Variants in SUMF1 observed in about 807,000 individuals in gnomAD.
SUMF1 encodes the protein sulfatase modifying factor 1, also known as formylglycine-generating enzyme.
In SUMF1, 48 loss-of-function variants were observed where a neutral mutation model predicts 47.6. The observed-to-expected ratio is 1.01, with a 90% CI of 0.80 to 1.28. The LOEUF is 1.28. Ranked by LOEUF, SUMF1 falls within the 50% of genes most tolerant of loss-of-function variation. The pLI is 0.00. For synonymous variants in SUMF1, 230 were observed against 192.1 expected (o/e 1.20, Z -1.63); for missense variants, 571 against 485.4 (o/e 1.18, Z -1.66).
Position 4,275,857 on chromosome 3 carries a change from C to T in SUMF1, c.1014+100473G>A, listed in dbSNP as rs375981332. Among the ~76,000 whole-genome samples, 12 of 152,260 alleles carry T rather than the reference C, an allele frequency of 7.9e-5. 2 individuals are homozygous for T. The highest frequency in any genetic ancestry group is 6.5e-5 in the Admixed American group (1 of 15,284). On this transcript the variant is annotated intron_variant and NMD_transcript_variant, in intron 8 of 12. Coordinates refer to the SUMF1 transcript ENST00000448413. ...ACAAGCGTCAGAACTAGCAGAAGCA[C>T]GAGCTTTAGAACAGTAGCAGAAAAT...
At chr3:4,402,274 C>T (rs941778876) in intron 7 of SUMF1, among the ~76,000 whole-genome samples, 1 of 152,130 alleles carries the variant, frequency 6.6e-6, no homozygotes, top group Non-Finnish European at 1.5e-5. Context: ...TCCCATGGAC[C>T]TATCATAGTT....
chr3:4,446,139 T>A (rs962048995), intron 3 of SUMF1, among the ~76,000 whole-genome samples: 1 of 152,180 alleles, frequency 6.6e-6, no homozygotes, highest in Non-Finnish European at 1.5e-5. Context: ...ATGAAAAAGA[T>A]TAGATTATCA....
chr3:4,274,143 C>T (rs1470070093), intron 8 of SUMF1, among the ~76,000 whole-genome samples: 1 of 152,130 alleles, frequency 6.6e-6, no homozygotes, highest in Non-Finnish European at 1.5e-5. Flanking sequence ...CTAAGATATA[C>T]ACTTTCAATG....
At chr3:4,313,538 A>G (rs1303345414) in intron 8 of SUMF1, 3 of 1,613,954 alleles carry the variant, frequency 1.9e-6, no homozygotes, top group South Asian at 2.2e-5. Context: ...TCAGGAAGAT[A>G]TCTTAATCTA....
chr3:4,282,035 T>C (rs1425353437), intron 8 of SUMF1, among the ~76,000 whole-genome samples: 1 of 152,210 alleles, frequency 6.6e-6, no homozygotes, highest in East Asian at 1.9e-4. Context: ...ACAACCTTAA[T>C]TTTATTTAAC....
intron 8 of SUMF1, among the ~76,000 whole-genome samples, chr3:4,367,518 G>A (rs559604911): frequency 0.029 from 4,429 of 151,550 alleles, 202 homozygotes; most frequent in African/African-American, 0.1. Context: ...AAAAGAGCCC[G>A]CATCACCAAG....
At chr3:4,226,562 C>A (rs956244684) in intron 8 of SUMF1, among the ~76,000 whole-genome samples, 2 of 151,964 alleles carry the variant, frequency 1.3e-5, no homozygotes, top group Admixed American at 1.3e-4. Context: ...GCCACTGTGC[C>A]TGGCCATGAT....
intron 8 of SUMF1, among the ~76,000 whole-genome samples, chr3:4,208,148 C>T (rs181735212): frequency 8.2e-4 from 125 of 152,128 alleles, no homozygotes; most frequent in Non-Finnish European, 1.2e-3. Flanking sequence ...TGGGGTTTTA[C>T]CAGAGCCTAC....
intron 1 of SUMF1, among the ~76,000 whole-genome samples, chr3:4,458,647 A>C (rs1027785240): frequency 1.3e-5 from 2 of 152,178 alleles, no homozygotes; most frequent in African/African-American, 2.4e-5. Context: ...TGAGGTCAGG[A>C]GATCAAGACC....
At chr3:4,231,020 G>A (rs1355706185) in intron 8 of SUMF1, among the ~76,000 whole-genome samples, 1 of 152,114 alleles carries the variant, frequency 6.6e-6, no homozygotes, top group Non-Finnish European at 1.5e-5. Flanking sequence ...ATTTATAGAA[G>A]GGATAAGAAT....
At chr3:4,221,789 A>G (rs969945238) in intron 8 of SUMF1, among the ~76,000 whole-genome samples, 2 of 152,110 alleles carry the variant, frequency 1.3e-5, no homozygotes, top group African/African-American at 4.8e-5. Flanking sequence ...AAAAGAATAA[A>G]ATGTAATATA....
intron 8 of SUMF1, among the ~76,000 whole-genome samples, chr3:4,325,595 G>T (rs1203195176): frequency 1.5e-5 from 2 of 137,752 alleles, no homozygotes; most frequent in Admixed American, 6.8e-5. Flanking sequence ...ATATATCTGT[G>T]TGTATATATG....
chr3:4,053,970 C>G (rs1695153578), intron 9 of SUMF1, among the ~76,000 whole-genome samples: 1 of 152,086 alleles, frequency 6.6e-6, no homozygotes, highest in Non-Finnish European at 1.5e-5. Flanking sequence ...CCTACAATGA[C>G]CTATTCTGTG....
intron 9 of SUMF1, among the ~76,000 whole-genome samples, chr3:4,039,083 T>C (rs1456990000): frequency 6.6e-6 from 1 of 151,986 alleles, no homozygotes; most frequent in African/African-American, 2.4e-5. Context: ...CTTAATTTTT[T>C]ATAGTTCAAG....
chr3:4,254,446 C>T (rs1696895527), intron 8 of SUMF1, among the ~76,000 whole-genome samples: 1 of 150,406 alleles, frequency 6.6e-6, no homozygotes, highest in Non-Finnish European at 1.5e-5. Context: ...AAAACCAAGG[C>T]TCGAGAACTA....
intron 8 of SUMF1, among the ~76,000 whole-genome samples, chr3:4,129,763 A>G (rs1693742389): frequency 6.6e-6 from 1 of 152,142 alleles, no homozygotes; most frequent in African/African-American, 2.4e-5. Flanking sequence ...ACAAAACGTC[A>G]TTGTGGTCCT....
chr3:4,324,540 G>C (rs917504526), intron 8 of SUMF1, among the ~76,000 whole-genome samples: 1 of 152,174 alleles, frequency 6.6e-6, no homozygotes, highest in Non-Finnish European at 1.5e-5. Context: ...TAGATGGTTA[G>C]ATTCTTGTGA....
chr3:4,369,363 A>G (rs148788824), intron 8 of SUMF1, among the ~76,000 whole-genome samples: 54 of 152,304 alleles, frequency 3.5e-4, no homozygotes, highest in African/African-American at 1.1e-3. Context: ...GAAGCTCTCA[A>G]ATGACTAGAG....
chr3:4,325,161 G>A (rs928758802), intron 8 of SUMF1, among the ~76,000 whole-genome samples: 3 of 151,984 alleles, frequency 2.0e-5, no homozygotes, highest in African/African-American at 7.3e-5. Flanking sequence ...GGGAATTGTG[G>A]GTGCTAAAAT....
Sources: gnomAD v4.1 joint callset for allele counts (sites outside exome capture counted in the v4.1 genomes callset) on GRCh38, gnomAD v4.1.1 for gene constraint, MANE v1.5 for transcripts, NCBI Gene and HGNC (gene_info 2026-07-23, HGNC 2026-07-21) for gene names.